The following ATF2 variants were observed in gnomAD, a reference collection of about 807,000 sequenced individuals.
ATF2 encodes activating transcription factor 2.
Under a neutral mutation model 60.6 loss-of-function variants are expected in ATF2, and 24 were observed. The observed-to-expected ratio is 0.40, with a 90% CI of 0.29 to 0.56. The LOEUF is 0.56. ATF2 is among the 20% of genes least tolerant of loss of function. ATF2 has a pLI of 0.54. For missense variants in ATF2, 433 were observed against 607.7 expected, an observed-to-expected ratio of 0.71 and a Z score of 3.02; for synonymous variants, 206 against 215.4, an observed-to-expected ratio of 0.96 and a Z score of 0.38.
intron 2 of ATF2, among the ~76,000 whole-genome samples, chr2:175,141,030 A>AATATATATATATATATAT (rs1553513531): frequency 1.6e-4 from 6 of 37,616 alleles, no homozygotes; most frequent in African/African-American, 7.4e-4. Context: ...AAAAAAAAAA[A>AATATATATATATATATAT]ATATATATAT....
At chr2:175,150,921 T>C (rs528697597) in intron 2 of ATF2, 139 bp downstream of exon 2, 3 of 152,454 alleles carry the variant, frequency 2.0e-5, no homozygotes, top group South Asian at 2.1e-4. Flanking sequence ...CATCTTTTTT[T>C]ACTAAACACT....
intron 4 of ATF2, among the ~76,000 whole-genome samples, chr2:175,123,819 C>T (rs1412037503): frequency 6.6e-6 from 1 of 151,998 alleles, no homozygotes; most frequent in Non-Finnish European, 1.5e-5. Context: ...GACAGCAACA[C>T]TGCAAAGGAC....
intron 12 of ATF2, among the ~76,000 whole-genome samples, chr2:175,085,598 A>ACACACACAC (rs1553501579): frequency 2.6e-5 from 3 of 117,484 alleles, no homozygotes; most frequent in African/African-American, 7.3e-5. Flanking sequence ...ACACACACAC[A>ACACACACAC]AATTCTCTCT....
chr2:175,146,815 T>G (rs1698989493), intron 2 of ATF2, among the ~76,000 whole-genome samples: 1 of 152,194 alleles, frequency 6.6e-6, no homozygotes, highest in African/African-American at 2.4e-5. Context: ...AAATAGCATG[T>G]ATAGGGCTCA....
chr2:175,136,579 CACT>C, intron 2 of ATF2, 93 bp from the exon 3 acceptor site: 2 of 775,860 alleles, frequency 2.6e-6, no homozygotes, highest in Non-Finnish European at 4.3e-6. Flanking sequence ...CTCTCTGTAA[CACT>C]ACTGTCACCC....
intron 4 of ATF2, among the ~76,000 whole-genome samples, chr2:175,129,145 T>G (rs1004668316): frequency 1.3e-5 from 2 of 152,142 alleles, no homozygotes; most frequent in African/African-American, 2.4e-5. Context: ...ATATTATATC[T>G]CAATGAAAAG....
intron 8 of ATF2, 76 bp downstream of exon 8, chr2:175,114,614 C>T: frequency 1.3e-6 from 2 of 1,540,642 alleles, no homozygotes; most frequent in Non-Finnish European, 1.8e-6. Context: ...TTTGAATAAT[C>T]AAATGTCTTA....
At chr2:175,110,337 A>AAAATAAATAAATAAATAAAT (rs77063696) in intron 10 of ATF2, among the ~76,000 whole-genome samples, 4,119 of 150,814 alleles carry the variant, frequency 0.027, 114 homozygotes, top group Middle Eastern at 0.078. Context: ...TCCATCTCAA[A>AAAATAAATAAATAAATAAAT]AAATAAATAA....
chr2:175,124,583 A>G (rs1357375586), intron 4 of ATF2, among the ~76,000 whole-genome samples: 3 of 151,940 alleles, frequency 2.0e-5, no homozygotes, highest in Non-Finnish European at 2.9e-5. Flanking sequence ...TTGGGCCAAT[A>G]GCTCATTTCA....
chr2:175,140,263 C>T (rs1574464326), intron 2 of ATF2, among the ~76,000 whole-genome samples: 1 of 152,084 alleles, frequency 6.6e-6, no homozygotes, highest in African/African-American at 2.4e-5. Flanking sequence ...TCTTCTTTTA[C>T]TAATAACTTG....
intron 11 of ATF2, among the ~76,000 whole-genome samples, chr2:175,096,103 T>C (rs977038634): frequency 2.1e-4 from 32 of 152,216 alleles, no homozygotes; most frequent in African/African-American, 7.7e-4. Flanking sequence ...CTAAAACTTA[T>C]TTATATGTGT....
intron 13 of ATF2, 122 bp from the exon 14 acceptor site, chr2:175,074,957 G>T (rs557063934): frequency 1.3e-6 from 2 of 1,526,894 alleles, no homozygotes; most frequent in South Asian, 1.2e-5. Context: ...AGACAAGTTG[G>T]TATTACAGCA....
intron 10 of ATF2, among the ~76,000 whole-genome samples, chr2:175,104,209 C>T (rs1487748644): frequency 1.3e-5 from 2 of 152,154 alleles, no homozygotes; most frequent in Admixed American, 1.3e-4. Flanking sequence ...TTCTCTTTAG[C>T]TGTAGTGTGC....
intron 3 of ATF2, among the ~76,000 whole-genome samples, chr2:175,136,165 C>T (rs1416452951): frequency 6.6e-6 from 1 of 151,960 alleles, no homozygotes; most frequent in African/African-American, 2.4e-5. Context: ...ACTGATAGAA[C>T]TCATTTTAGA....
intron 2 of ATF2, among the ~76,000 whole-genome samples, chr2:175,149,547 T>C (rs934030512): frequency 6.6e-6 from 1 of 151,536 alleles, no homozygotes; most frequent in African/African-American, 2.4e-5. Context: ...AAGAGGTAAA[T>C]CTAAACAACA....
intron 2 of ATF2, among the ~76,000 whole-genome samples, chr2:175,137,838 T>C (rs1433673887): frequency 6.6e-6 from 1 of 152,138 alleles, no homozygotes; most frequent in Non-Finnish European, 1.5e-5. Flanking sequence ...ATTACCATTT[T>C]CTAATACCTA....
chr2:175,130,583 A>C (rs929557112), intron 3 of ATF2, among the ~76,000 whole-genome samples: 2 of 152,146 alleles, frequency 1.3e-5, no homozygotes, highest in African/African-American at 4.8e-5. Context: ...CAAAATCTCC[A>C]TCTCCAGTCC....
intron 9 of ATF2, among the ~76,000 whole-genome samples, chr2:175,113,535 G>T (rs1188292077): frequency 6.6e-6 from 1 of 152,096 alleles, no homozygotes; most frequent in Non-Finnish European, 1.5e-5. Context: ...CACAGGGAAA[G>T]TGAAAGATTA....
intron 10 of ATF2, among the ~76,000 whole-genome samples, chr2:175,099,103 T>A (rs1052261007): frequency 2.7e-5 from 3 of 110,100 alleles, no homozygotes; most frequent in Non-Finnish European, 5.8e-5. Context: ...ATTAAATTTC[T>A]TTTTTTTTTT....
Sources: gnomAD v4.1 joint callset for allele counts (sites outside exome capture counted in the v4.1 genomes callset) on GRCh38, gnomAD v4.1.1 for gene constraint, MANE v1.5 for transcripts, NCBI Gene and HGNC (gene_info 2026-07-23, HGNC 2026-07-21) for gene names.